Variants in NRF1 observed in about 807,000 individuals in gnomAD.
NRF1 encodes alpha palindromic-binding protein.
NRF1 carries 5 observed loss-of-function variants against 58.5 expected under a neutral mutation model. The observed-to-expected ratio is 0.09, with a 90% CI of 0.04 to 0.18. NRF1 has a LOEUF of 0.18. Among genes scored for constraint, NRF1 ranks in the 10% least tolerant of loss-of-function variants. The pLI is 1.00. For missense variants in NRF1, 288 were observed against 657.7 expected, an observed-to-expected ratio of 0.44 and a Z score of 6.15; for synonymous variants, 224 against 246.7, an observed-to-expected ratio of 0.91 and a Z score of 0.86.
chr7:129,751,318 T>C (rs2402964), intron 10 of NRF1, among the ~76,000 whole-genome samples: 11,449 of 152,306 alleles, frequency 0.075, 998 homozygotes, highest in East Asian at 0.46. Context: ...TTATATCCCG[T>C]GGGCCACTAG....
intron 5 of NRF1, among the ~76,000 whole-genome samples, chr7:129,697,027 T>A (rs1802714415): frequency 2.6e-5 from 4 of 152,134 alleles, no homozygotes; most frequent in Admixed American, 1.3e-4. Flanking sequence ...AACTAAAGCA[T>A]CACACCAAGG....
intron 5 of NRF1, among the ~76,000 whole-genome samples, chr7:129,696,763 T>C: frequency 6.6e-6 from 1 of 152,220 alleles, no homozygotes; most frequent in South Asian, 2.1e-4. Flanking sequence ...TTCTGAATCA[T>C]CTAAAGAGAG....
chr7:129,751,618 A>G (rs1804118228), intron 10 of NRF1, among the ~76,000 whole-genome samples: 2 of 152,246 alleles, frequency 1.3e-5, no homozygotes, highest in African/African-American at 4.8e-5. Context: ...GCTCACAGTT[A>G]GTTAGAAAAG....
rs375620886 is a variant in NRF1, at chr7:129,644,762, G to A, written c.-6-12584G>A. Among the ~76,000 whole-genome samples the A allele has an allele frequency of 2.6e-5, 4 of 152,296 alleles. No individual in the cohort carries two copies. The South Asian group carries it at 8.3e-4, about 32-fold the overall frequency. ...ACTTAACTCTTCTCTATGGAAAGATGTTCCGGCAAGCCAAAATTCCCCATG... is the reference window on the plus strand; with the variant it reads ...ACTTAACTCTTCTCTATGGAAAGATATTCCGGCAAGCCAAAATTCCCCATG... On this transcript the variant is annotated intron_variant, in intron 1 of 10. Coordinates refer to ENST00000393232, the MANE Select transcript of NRF1 (RefSeq NM_005011.5).
At chr7:129,675,768 T>A (rs1405258275) in intron 3 of NRF1, among the ~76,000 whole-genome samples, 1 of 152,204 alleles carries the variant, frequency 6.6e-6, no homozygotes, top group African/African-American at 2.4e-5. Context: ...GTTCTATTTA[T>A]AGAGGACAGG....
chr7:129,679,400 A>G (rs1802254674), intron 4 of NRF1, among the ~76,000 whole-genome samples: 1 of 152,244 alleles, frequency 6.6e-6, no homozygotes, highest in Non-Finnish European at 1.5e-5. Flanking sequence ...TATCATATGT[A>G]GAGAATATAT....
At chr7:129,680,031 G>C (rs1340438230) in intron 4 of NRF1, among the ~76,000 whole-genome samples, 3 of 152,118 alleles carry the variant, frequency 2.0e-5, no homozygotes, top group Admixed American at 2.0e-4. Context: ...CTGCACTCCA[G>C]CCTGGGCAAC....
intron 4 of NRF1, among the ~76,000 whole-genome samples, chr7:129,678,550 T>C (rs924552048): frequency 6.6e-6 from 1 of 152,208 alleles, no homozygotes; most frequent in African/African-American, 2.4e-5. Flanking sequence ...TTGTGGGTAT[T>C]TCTTAACATT....
intron 5 of NRF1, among the ~76,000 whole-genome samples, chr7:129,697,339 C>T (rs1294813348): frequency 2.6e-5 from 4 of 151,472 alleles, no homozygotes; most frequent in African/African-American, 9.7e-5. Context: ...GTCAGGAGAT[C>T]GAGACCATCC....
At chr7:129,623,004 T>A (rs1430987372) in intron 1 of NRF1, among the ~76,000 whole-genome samples, 1 of 152,234 alleles carries the variant, frequency 6.6e-6, no homozygotes, top group South Asian at 2.1e-4. Context: ...AAGATATTTT[T>A]AAATTTTCTC....
chr7:129,679,455 A>T (rs1319104415), intron 4 of NRF1, among the ~76,000 whole-genome samples: 1 of 152,240 alleles, frequency 6.6e-6, no homozygotes, highest in African/African-American at 2.4e-5. Flanking sequence ...ATATATTGAG[A>T]ATATATAAAG....
At chr7:129,729,709 C>T (rs918596186) in intron 10 of NRF1, among the ~76,000 whole-genome samples, 2 of 152,214 alleles carry the variant, frequency 1.3e-5, no homozygotes, top group African/African-American at 4.8e-5. Context: ...ATAGTATTTA[C>T]TTTGGGATTG....
chr7:129,625,314 G>A (rs79168780), intron 1 of NRF1, among the ~76,000 whole-genome samples: 4,148 of 152,232 alleles, frequency 0.027, 64 homozygotes, highest in Middle Eastern at 0.075. Flanking sequence ...CTTTCTTCAA[G>A]TGAGGTAGTA....
At chr7:129,749,949 T>G (rs1287473281) in intron 10 of NRF1, among the ~76,000 whole-genome samples, 2 of 152,078 alleles carry the variant, frequency 1.3e-5, no homozygotes, top group Non-Finnish European at 2.9e-5. Context: ...CTTCAGGACA[T>G]TAGAAGTATG....
intron 1 of NRF1, among the ~76,000 whole-genome samples, chr7:129,627,617 C>G (rs184702560): frequency 6.6e-6 from 1 of 152,240 alleles, no homozygotes; most frequent in Admixed American, 6.5e-5. Flanking sequence ...CCATAGCTTT[C>G]CATTACAATT....
intron 1 of NRF1, chr7:129,633,329 G>A (rs913568503): frequency 2.0e-5 from 3 of 152,144 alleles, no homozygotes; most frequent in Admixed American, 6.5e-5. Context: ...AAGTATTTCT[G>A]TGCTCATTAA....
intron 5 of NRF1, among the ~76,000 whole-genome samples, chr7:129,691,940 A>G (rs1275182022): frequency 6.6e-6 from 1 of 152,114 alleles, no homozygotes; most frequent in Non-Finnish European, 1.5e-5. Flanking sequence ...CGCCCCAAAC[A>G]GAACCTTTGG....
chr7:129,633,728 C>T (rs1562954704), intron 1 of NRF1: 1 of 151,988 alleles, frequency 6.6e-6, no homozygotes, highest in Non-Finnish European at 1.5e-5. Context: ...CCCACCACTG[C>T]TCACCCTTTA....
intron 5 of NRF1, among the ~76,000 whole-genome samples, chr7:129,701,991 TTG>T (rs1338995125): frequency 6.6e-6 from 1 of 152,178 alleles, no homozygotes; most frequent in Non-Finnish European, 1.5e-5. Flanking sequence ...ATGGTACCAT[TTG>T]TGTTTTTCTT....
Sources: gnomAD v4.1 joint callset for allele counts (sites outside exome capture counted in the v4.1 genomes callset) on GRCh38, gnomAD v4.1.1 for gene constraint, MANE v1.5 for transcripts, NCBI Gene and HGNC (gene_info 2026-07-23, HGNC 2026-07-21) for gene names.